The following MGST1 variants were observed in gnomAD, a reference collection of about 807,000 sequenced individuals.
The protein encoded by MGST1 is glutathione S-transferase 12.
MGST1 carries 5 observed loss-of-function variants against 8.9 expected under a neutral mutation model. That is an observed-to-expected ratio of 0.56 (90% confidence interval 0.29 to 1.19). The LOEUF is 1.19. MGST1 is among the 50% of genes most tolerant of loss of function. The probability of loss-of-function intolerance (pLI) is 0.08; values close to 1 mark genes in which losing one functional copy is unlikely to be tolerated. For synonymous variants in MGST1, 54 were observed against 67.8 expected (o/e 0.80, Z 1.00); for missense variants, 182 against 187.4 (o/e 0.97, Z 0.17).
At position 16,512,096 on chromosome 12, in the gene MGST1, TG is replaced by T. The variant is rs540409250; in HGVS notation, n.483-77431del. ...TAAAAAAGAGAATAATCTACAACTT[TG>T]TCAGCATGCAGCTAAAATAACAACT... On this transcript the variant is annotated intron_variant and non_coding_transcript_variant, in intron 4 of 4. Transcript: ENST00000538857. Among the ~76,000 whole-genome samples the T allele has an allele frequency of 4.6e-5, 7 of 152,308 alleles. No individual in the cohort carries two copies. The South Asian group carries it at 1.5e-3, about 32-fold the overall frequency.
At chr12:16,454,748 A>C (rs1244844761) in intron 4 of MGST1, among the ~76,000 whole-genome samples, 1 of 151,778 alleles carries the variant, frequency 6.6e-6, no homozygotes, top group Non-Finnish European at 1.5e-5. Flanking sequence ...AAAATATGTC[A>C]AGCATGTGAG....
chr12:16,379,542 T>G (rs369567611), downstream of MGST1, among the ~76,000 whole-genome samples: 2 of 152,170 alleles, frequency 1.3e-5, no homozygotes, highest in African/African-American at 2.4e-5. Context: ...TGCTGGATTC[T>G]GTTTGCCAGT....
rs867627506 is a variant in MGST1 at position 16,452,489 on chromosome 12, G to T, written n.482+68885G>T. Among the ~76,000 whole-genome samples the T allele has an allele frequency of 3.3e-5, 5 of 151,318 alleles. No homozygotes were observed. The South Asian group carries it at 8.3e-4, about 25-fold the overall frequency. On this transcript the variant is annotated intron_variant and non_coding_transcript_variant, in intron 4 of 4. Transcript: ENST00000538857. ...TTTCCATTGCTGATAAGAACTCAAA[G>T]CTCGCAATATTATTACTACTAAAGA...
chr12:16,503,662 A>T lies in MGST1; in HGVS notation n.483-85866A>T, dbSNP rs772040914. Among the ~76,000 whole-genome samples, 4 of 152,134 alleles carry T rather than the reference A, an allele frequency of 2.6e-5. No homozygotes were observed. Among genetic ancestry groups the T allele is most frequent in the Non-Finnish European group, 5.9e-5 (4 of 68,032 alleles). On this transcript the variant is annotated intron_variant and non_coding_transcript_variant, in intron 4 of 4. Coordinates refer to the MGST1 transcript ENST00000538857. This position sits in a 1 kb window ranked among gnomAD's most constrained non-coding sequence, Gnocchi z 4.8. ...GAAAGGAGGGCTAGTTGAAATAGGG[A>T]TAGGGTGGCAGCAGCTTTCCATAAG...
intron 1 of MGST1, among the ~76,000 whole-genome samples, chr12:16,349,649 T>C (rs770496666): frequency 1.3e-5 from 2 of 152,186 alleles, no homozygotes; most frequent in Admixed American, 1.3e-4. Flanking sequence ...CAAAAGCTTT[T>C]TGAAAATTCT....
chr12:16,535,481 C>T (rs781227294), intron 4 of MGST1, among the ~76,000 whole-genome samples: 55 of 152,238 alleles, frequency 3.6e-4, no homozygotes, highest in South Asian at 2.1e-4. Context: ...TCCAGCATGA[C>T]GGATATGGAC....
In MGST1 at chr12:16,559,555, A is replaced by G. The variant is rs1016253315; in HGVS notation, n.483-29973A>G. ...ACACTTTTTCAAATGCTCCTCTCCA[A>G]TGATAATAATTGTTTAATTATTAGC... On this transcript the variant is annotated intron_variant and non_coding_transcript_variant, in intron 4 of 4. Coordinates refer to the MGST1 transcript ENST00000538857. The surrounding 1 kb of genome is among the most constrained non-coding windows in gnomAD (Gnocchi z 4.1). Among the ~76,000 whole-genome samples the G allele has an allele frequency of 6.6e-6, 1 of 152,176 alleles. No individual in the cohort carries two copies. Among genetic ancestry groups the G allele is most frequent in the African/African-American group, 2.4e-5 (1 of 41,440 alleles).
intron 4 of MGST1, among the ~76,000 whole-genome samples, chr12:16,529,434 T>C (rs1360489163): frequency 1.3e-5 from 2 of 152,104 alleles, no homozygotes; most frequent in African/African-American, 4.8e-5. Context: ...CTGTCCATGA[T>C]TCTTGTAGCA....
chr12:16,551,433 A>G, intron 4 of MGST1: 1 of 688,782 alleles, frequency 1.5e-6, no homozygotes, highest in Middle Eastern at 3.0e-4. Flanking sequence ...AATTCCCTGA[A>G]TCTGAAAACC....
At chr12:16,460,020 T>C (rs976814262) in intron 4 of MGST1, among the ~76,000 whole-genome samples, 1 of 152,178 alleles carries the variant, frequency 6.6e-6, no homozygotes, top group African/African-American at 2.4e-5. Context: ...AATCTCTCTA[T>C]GCCTCACTTT....
chr12:16,484,854 A>T lies in MGST1; in HGVS notation n.482+101250A>T, dbSNP rs555747524. On this transcript the variant is annotated intron_variant and non_coding_transcript_variant, in intron 4 of 4. Coordinates refer to the MGST1 transcript ENST00000538857. ...CCATATCACTTTCCAGTGATGTTGT[A>T]AGATATTTTGCATCTTATAAATTTT... Among the ~76,000 whole-genome samples, 7 of 152,332 alleles carry T rather than the reference A, an allele frequency of 4.6e-5. No individual in the cohort carries two copies. In the South Asian group the frequency reaches 6.2e-4, roughly 14 times the overall value.
intron 1 of MGST1, among the ~76,000 whole-genome samples, chr12:16,352,220 C>G (rs922428536): frequency 6.6e-6 from 1 of 152,172 alleles, no homozygotes; most frequent in African/African-American, 2.4e-5. Context: ...GAACACATAG[C>G]AAGCTCTAAT....
At chr12:16,422,165 G>A (rs1187795677) in intron 1 of MGST1, among the ~76,000 whole-genome samples, 1 of 152,150 alleles carries the variant, frequency 6.6e-6, no homozygotes, top group Admixed American at 6.5e-5. Flanking sequence ...CTATATCAGT[G>A]GTGATTAAGT....
At position 16,582,904 on chromosome 12, in the gene MGST1, G is replaced by T. The variant is rs186767507; in HGVS notation, n.483-6624G>T. Among the ~76,000 whole-genome samples, 1 of 151,946 alleles carries T rather than the reference G, an allele frequency of 6.6e-6. No homozygotes were observed. Among genetic ancestry groups the T allele is most frequent in the African/African-American group, 2.4e-5 (1 of 41,370 alleles). On this transcript the variant is annotated intron_variant and non_coding_transcript_variant, in intron 4 of 4. Coordinates refer to the MGST1 transcript ENST00000538857. This position sits in a 1 kb window ranked among gnomAD's most constrained non-coding sequence, Gnocchi z 4.1. Reference sequence around the variant, plus strand: ...CTCTACTAAAATAAAAAAATTAGCCGGGAGTGGTGGCATGCACCTGTAATC... The same window carrying T: ...CTCTACTAAAATAAAAAAATTAGCCTGGAGTGGTGGCATGCACCTGTAATC...
At chr12:16,536,718 G>T (rs1033416829) in intron 4 of MGST1, among the ~76,000 whole-genome samples, 6 of 152,102 alleles carry the variant, frequency 3.9e-5, no homozygotes, top group African/African-American at 1.4e-4. Context: ...AAATGAGGAA[G>T]ATGCAAAAGC....
chr12:16,435,299 T>C (rs1179032444), intron 1 of MGST1, among the ~76,000 whole-genome samples: 2 of 151,958 alleles, frequency 1.3e-5, no homozygotes, highest in African/African-American at 4.8e-5. Context: ...CACTAATGAA[T>C]TATTATTCAC....
At chr12:16,478,927 A>G (rs1447609510) in intron 4 of MGST1, among the ~76,000 whole-genome samples, 2 of 152,116 alleles carry the variant, frequency 1.3e-5, no homozygotes, top group African/African-American at 4.8e-5. Context: ...CCGTTGTTCC[A>G]AAATAAAACA....
At chr12:16,524,409 C>A (rs1230734202) in intron 4 of MGST1, among the ~76,000 whole-genome samples, 1 of 151,930 alleles carries the variant, frequency 6.6e-6, no homozygotes, top group Non-Finnish European at 1.5e-5. Flanking sequence ...CCAATGTGTA[C>A]CTTTCTTGAG....
intron 4 of MGST1, among the ~76,000 whole-genome samples, chr12:16,449,997 G>T (rs1225648654): frequency 6.6e-6 from 1 of 151,874 alleles, no homozygotes; most frequent in African/African-American, 2.4e-5. Context: ...TAATTTAACA[G>T]TAATGCAGTC....
Sources: gnomAD v4.1 joint callset for allele counts (sites outside exome capture counted in the v4.1 genomes callset) on GRCh38, gnomAD v4.1.1 for gene constraint, Gnocchi (gnomAD v3.1) non-coding constraint, MANE v1.5 for transcripts, NCBI Gene and HGNC (gene_info 2026-07-23, HGNC 2026-07-21) for gene names.